CHN1: variants seen among roughly 807,000 people sequenced by gnomAD.
The protein encoded by CHN1 is N-chimaerin.
In CHN1, 37 loss-of-function variants were observed where a neutral mutation model predicts 59.5. That is an observed-to-expected ratio of 0.62 (90% CI 0.48 to 0.82). The LOEUF is 0.82. Ranked by LOEUF, CHN1 falls within the 40% of genes least tolerant of loss-of-function variation. The pLI, the probability that CHN1 is intolerant of heterozygous loss-of-function variation, is 0.00. For synonymous variants in CHN1, 206 were observed against 200.4 expected, an observed-to-expected ratio of 1.03 and a Z score of -0.24; for missense variants, 469 against 571.0, an observed-to-expected ratio of 0.82 and a Z score of 1.82.
chr2:174,895,455 C>T (rs765535917), intron 5 of CHN1, among the ~76,000 whole-genome samples: 1 of 151,904 alleles, frequency 6.6e-6, no homozygotes. Context: ...TCAATGGGTA[C>T]AGATTTTCAG....
rs146210527 is a variant in CHN1, at chr2:174,878,111, C to T, written c.278G>A (p.Arg93Lys). 1 of 1,526,468 alleles carries T rather than the reference C, an allele frequency of 6.6e-7. No individual in the cohort carries two copies. The allele number at this position is 1,526,468 out of a possible 1,614,324, so 94.6% of individuals were successfully genotyped here. The stretch of plus-strand genomic sequence containing the variant: ...GCCATCGTAGTAGAGCCTGAAGTTT[C>T]TGGTTTGACTTCCAAATCTGCCTCA... ...TLALRFGSQTRNFRLYYDGKH... is the reference protein window; with the variant it reads ...TLALRFGSQTKNFRLYYDGKH... The change falls in exon 6 of 13, where the codon AGA becomes AAA. Residue 93 changes from arginine to lysine, a missense_variant. Physicochemically the swap from Arg to Lys is conservative, Grantham distance 26. Transcript: ENST00000409900.
intron 3 of CHN1, among the ~76,000 whole-genome samples, chr2:174,925,971 T>C (rs1353532348): frequency 6.6e-6 from 1 of 152,188 alleles, no homozygotes; most frequent in Non-Finnish European, 1.5e-5. Flanking sequence ...CAGTGTTTGG[T>C]TTTTCTGTTA....
At chr2:174,925,754 T>C (rs1287139153) in intron 3 of CHN1, among the ~76,000 whole-genome samples, 2 of 152,234 alleles carry the variant, frequency 1.3e-5, no homozygotes, top group East Asian at 3.8e-4. Flanking sequence ...CCTATGACTG[T>C]AACACTTCAA....
chr2:174,943,388 A>G (rs1486058492), intron 3 of CHN1, among the ~76,000 whole-genome samples: 4 of 151,858 alleles, frequency 2.6e-5, no homozygotes, highest in Non-Finnish European at 4.4e-5. Context: ...CACCACAACC[A>G]GCTAATTTTT....
intron 7 of CHN1, among the ~76,000 whole-genome samples, chr2:174,835,481 C>T (rs964645382): frequency 2.0e-5 from 3 of 151,908 alleles, no homozygotes; most frequent in African/African-American, 7.2e-5. Flanking sequence ...TGCTCTGTCT[C>T]CTGGTTTCCC....
At chr2:174,875,840 A>T in intron 6 of CHN1, 1 of 985,458 alleles carries the variant, frequency 1.0e-6, no homozygotes, top group Non-Finnish European at 1.2e-6. Flanking sequence ...TGAACAGGTC[A>T]TCAACCCTGT....
chr2:174,929,455 G>A (rs1000379495), intron 3 of CHN1, among the ~76,000 whole-genome samples: 7 of 152,092 alleles, frequency 4.6e-5, no homozygotes, highest in African/African-American at 1.7e-4. Flanking sequence ...GCAAGTGCCT[G>A]TAGTCTCAGC....
intron 1 of CHN1, among the ~76,000 whole-genome samples, chr2:174,980,048 G>T (rs1235925477): frequency 6.6e-6 from 1 of 152,102 alleles, no homozygotes; most frequent in African/African-American, 2.4e-5. Context: ...CCTAAGAGTA[G>T]AAATGCTTCT....
intron 6 of CHN1, among the ~76,000 whole-genome samples, chr2:174,863,815 C>A (rs1326865791): frequency 6.6e-6 from 1 of 152,214 alleles, no homozygotes; most frequent in African/African-American, 2.4e-5. Context: ...GTTGATTATA[C>A]TGAATCAAAA....
intron 7 of CHN1, among the ~76,000 whole-genome samples, chr2:174,824,839 G>A (rs1685631403): frequency 6.6e-6 from 1 of 152,114 alleles, no homozygotes; most frequent in Admixed American, 6.5e-5. Flanking sequence ...TTGAACTTCT[G>A]AGCTCAAGCA....
intron 5 of CHN1, among the ~76,000 whole-genome samples, chr2:174,899,125 T>C (rs1235326937): frequency 6.6e-6 from 1 of 152,156 alleles, no homozygotes; most frequent in Non-Finnish European, 1.5e-5. Flanking sequence ...TTTATATACA[T>C]TTATACCAGT....
intron 5 of CHN1, among the ~76,000 whole-genome samples, chr2:174,907,613 GT>G (rs563081352): frequency 2.8e-3 from 363 of 130,368 alleles, no homozygotes; most frequent in East Asian, 4.9e-3. Context: ...AGCTCTTTTG[GT>G]TTTTTTTTTT....
intron 8 of CHN1, among the ~76,000 whole-genome samples, chr2:174,812,714 T>C (rs1558933876): frequency 6.6e-6 from 1 of 152,184 alleles, no homozygotes; most frequent in Non-Finnish European, 1.5e-5. Context: ...GTTTAATTGC[T>C]GTATGATCTC....
At chr2:174,960,936 G>A (rs1173415414) in intron 1 of CHN1, among the ~76,000 whole-genome samples, 1 of 151,912 alleles carries the variant, frequency 6.6e-6, no homozygotes, top group Non-Finnish European at 1.5e-5. Flanking sequence ...AGACCAGCCT[G>A]GGCAACAAGT....
At chr2:174,832,592 T>C (rs1192874455) in intron 7 of CHN1, among the ~76,000 whole-genome samples, 1 of 152,138 alleles carries the variant, frequency 6.6e-6, no homozygotes, top group Non-Finnish European at 1.5e-5. Context: ...GTATGTTATT[T>C]AATTTATAAG....
rs567957803 is a variant in CHN1, at chr2:174,878,743, T to C, written c.261-615A>G. ...TTTCGTTTTTAAAGAGTCATTATTC[T>C]GTCTGCTGGTTAGGTCTGTGCAAGA... On this transcript the variant is annotated intron_variant, in intron 5 of 12. Coordinates refer to ENST00000409900, the MANE Select transcript of CHN1 (RefSeq NM_001822.7). 5.4e-4 allele frequency among the ~76,000 whole-genome samples: 82 copies of C among 152,400 alleles called. 1 individual carries two copies. Among genetic ancestry groups the C allele is most frequent in the South Asian group, 4.3e-3 (21 of 4,834 alleles).
At chr2:174,883,965 CTT>C (rs141023955) in intron 5 of CHN1, among the ~76,000 whole-genome samples, 19 of 121,500 alleles carry the variant, frequency 1.6e-4, no homozygotes, top group Middle Eastern at 4.1e-3. Flanking sequence ...AGTCTAACTT[CTT>C]TTTTTTTTTT....
intron 7 of CHN1, among the ~76,000 whole-genome samples, chr2:174,827,290 T>C (rs1296253567): frequency 1.3e-5 from 2 of 152,190 alleles, no homozygotes; most frequent in African/African-American, 4.8e-5. Context: ...ATTTATTAAA[T>C]GATGATCTAT....
chr2:174,855,634 G>C (rs1014116524), intron 6 of CHN1, among the ~76,000 whole-genome samples: 1 of 152,028 alleles, frequency 6.6e-6, no homozygotes, highest in African/African-American at 2.4e-5. Flanking sequence ...TAATATGTCA[G>C]CTTCCATTAA....
Sources: allele counts gnomAD v4.1 joint callset (sites outside exome capture counted in the v4.1 genomes callset), GRCh38; gene constraint gnomAD v4.1.1; transcripts MANE v1.5; gene names NCBI Gene and HGNC (gene_info 2026-07-23, HGNC 2026-07-21).